The following DMXL1 variants were observed in gnomAD, a reference collection of about 807,000 sequenced individuals.
DMXL1 encodes the protein dmX-like protein 1.
DMXL1 carries 99 observed loss-of-function variants against 319.2 expected under a neutral mutation model. The observed-to-expected ratio is 0.31, with a 90% CI of 0.26 to 0.37. The LOEUF (loss-of-function observed/expected upper bound fraction) is 0.37. Among genes scored for constraint, DMXL1 ranks in the 10% least tolerant of loss-of-function variants. The pLI, the probability that DMXL1 is intolerant of heterozygous loss-of-function variation, is 1.00. For synonymous variants in DMXL1, 1,385 were observed against 1,235.2 expected, an observed-to-expected ratio of 1.12 and a Z score of -2.54; for missense variants, 3,745 against 3,595.6, an observed-to-expected ratio of 1.04 and a Z score of -1.06.
chr5:119,083,008 C>T (rs1752567672), intron 1 of DMXL1, among the ~76,000 whole-genome samples: 1 of 152,072 alleles, frequency 6.6e-6, no homozygotes. Context: ...ACCTCCAGTT[C>T]CATCCTTTTT....
chr5:119,170,466 A>G lies in DMXL1; in HGVS notation c.5675A>G (p.Tyr1892Cys), dbSNP rs139926212. Reference sequence around the variant, plus strand: ...GTCATCAAGAAAACAAGACCTTTTTATAGGGCTTCTAGTTTTCTGGATACT... The same window carrying G: ...GTCATCAAGAAAACAAGACCTTTTTGTAGGGCTTCTAGTTTTCTGGATACT... ...PKVIKKTRPF[Y>C]RASSFLDTSK... The change falls in exon 24 of 44, where the codon TAT becomes TGT. Residue 1892 changes from tyrosine (Y) to cysteine (C), a missense_variant. Transcript: ENST00000539542. The G allele has an allele frequency of 7.8e-5, 126 of 1,613,872 alleles. No individual in the cohort carries two copies. In the African/African-American group the frequency reaches 1.5e-3, roughly 19 times the overall value.
In DMXL1 at chr5:119,133,369, T is replaced by C. The variant is rs766298375; in HGVS notation, c.1553T>C (p.Met518Thr). Residue 518 changes from methionine to threonine, a missense_variant, in exon 11 of 44, where the codon ATG becomes ACG. Transcript: ENST00000539542. ...TGGCTGGATGAATACCAGCCTGGTA[T>C]GTTTCGTCAAGTACAGGTACTACTG... ...VDWLDEYQPG[M>T]FRQVQVSFVS... 4.3e-6 allele frequency: 7 copies of C among 1,612,216 alleles called. No individual in the cohort carries two copies. The African/African-American group carries it at 6.7e-5, about 15-fold the overall frequency.
At chr5:119,083,313 A>G (rs1752632632) in intron 1 of DMXL1, among the ~76,000 whole-genome samples, 1 of 152,176 alleles carries the variant, frequency 6.6e-6, no homozygotes, top group South Asian at 2.1e-4. Context: ...TTGTTGCTGC[A>G]AATGGCAGGA....
At chr5:119,120,660 A>G (rs1053264420) in intron 8 of DMXL1, among the ~76,000 whole-genome samples, 1 of 152,228 alleles carries the variant, frequency 6.6e-6, no homozygotes, top group African/African-American at 2.4e-5. Context: ...ATTGGGAAAA[A>G]AATTTTTAAC....
chr5:119,165,369 G>T lies in DMXL1; in HGVS notation c.4970+89G>T, dbSNP rs556334328. Reference sequence around the variant, plus strand: ...GAATGAAGTAAGATTTGTTGTTCTTGTTGATGTTGATTCATGTAGATTCTT... The same window carrying T: ...GAATGAAGTAAGATTTGTTGTTCTTTTTGATGTTGATTCATGTAGATTCTT... On this transcript the variant is annotated intron_variant, in intron 21 of 43. Coordinates refer to ENST00000539542, the MANE Select transcript of DMXL1 (RefSeq NM_001290321.3). 22 of 679,728 alleles carry T rather than the reference G, an allele frequency of 3.2e-5. No homozygotes were observed. In the African/African-American group the frequency reaches 3.8e-4, roughly 12 times the overall value. The allele number at this position is 679,728 out of a possible 1,614,324, so 42.1% of individuals were successfully genotyped here. A position where few individuals can be genotyped will look rare whatever the true frequency, so the allele number is the denominator to read the frequency against.
rs149836208 is a variant in DMXL1 at position 119,118,039 on chromosome 5, C to T, written c.744-776C>T. ...ATTCCCTGATGGAAGGTAGTCCTTG[C>T]TGATAGGGTTTCAGGCTTTGAGCTC... On this transcript the variant is annotated intron_variant, in intron 7 of 43. Coordinates refer to ENST00000539542, the MANE Select transcript of DMXL1 (RefSeq NM_001290321.3). Among the ~76,000 whole-genome samples the T allele has an allele frequency of 7.8e-3, 1,182 of 152,260 alleles. 3 individuals are homozygous for T. Among genetic ancestry groups the T allele is most frequent in the Non-Finnish European group, 0.013 (854 of 68,024 alleles).
At chr5:119,205,800 G>A (rs944920520) in intron 33 of DMXL1, among the ~76,000 whole-genome samples, 1 of 151,924 alleles carries the variant, frequency 6.6e-6, no homozygotes, top group African/African-American at 2.4e-5. Flanking sequence ...TACCGGAAAG[G>A]TTACTAGCCT....
chr5:119,224,585 C>T (rs1785200783), intron 37 of DMXL1, 124 bp from the exon 38 acceptor site: 1 of 380,886 alleles, frequency 2.6e-6, no homozygotes, highest in Non-Finnish European at 4.9e-6. Context: ...ATTTTTAGCA[C>T]CCATAATGAT....
chr5:119,150,066 A>G lies in DMXL1; in HGVS notation c.4239A>G (p.Ala1413=). The G allele has an allele frequency of 1.9e-6, 3 of 1,613,940 alleles. No homozygotes were observed. Among genetic ancestry groups the G allele is most frequent in the Non-Finnish European group, 2.5e-6 (3 of 1,179,904 alleles). The change falls in exon 18 of 44, where the codon GCA becomes GCG. Residue 1413 remains alanine, a synonymous_variant. Coordinates refer to ENST00000539542, the MANE Select transcript of DMXL1 (RefSeq NM_001290321.3). ...CACTTCCTTTATATGCCTTACTTGCAGCAGATGATGATAGCTGTTACTCAT... is the reference window on the plus strand; with the variant it reads ...CACTTCCTTTATATGCCTTACTTGCGGCAGATGATGATAGCTGTTACTCAT... ...VPPLPLYALL[A]ADDDSCYSSL... is the part of the protein sequence containing the mutation.
At chr5:119,148,676 T>C in intron 17 of DMXL1, 63 bp from the exon 18 acceptor site, 1 of 1,491,252 alleles carries the variant, frequency 6.7e-7, no homozygotes, top group Non-Finnish European at 9.1e-7. Flanking sequence ...AAATCGTAAG[T>C]ACATAAAAAC....
chr5:119,106,777 C>T (rs1264379473), intron 4 of DMXL1, among the ~76,000 whole-genome samples: 1 of 152,000 alleles, frequency 6.6e-6, no homozygotes, highest in African/African-American at 2.4e-5. Flanking sequence ...TATTTCAATG[C>T]CTTTTCCATA....
chr5:119,109,158 C>CCA (rs1482078863), intron 4 of DMXL1, among the ~76,000 whole-genome samples: 7 of 152,140 alleles, frequency 4.6e-5, no homozygotes, highest in Admixed American at 4.6e-4. Context: ...AGTTGGTTAA[C>CCA]CACACACTTA....
At chr5:119,191,587 A>G (rs371486120) in intron 29 of DMXL1, among the ~76,000 whole-genome samples, 18 of 152,268 alleles carry the variant, frequency 1.2e-4, no homozygotes, top group African/African-American at 4.3e-4. Flanking sequence ...TTCTTTAGCT[A>G]TCTTGTTTCT....
At chr5:119,220,432 G>A (rs1032740598) in intron 35 of DMXL1, 40 bp from the exon 36 acceptor site, 3 of 1,600,212 alleles carry the variant, frequency 1.9e-6, no homozygotes, top group Non-Finnish European at 2.6e-6. Flanking sequence ...TATCTCTTTT[G>A]CCTATTGCTT....
At chr5:119,174,831 G>A (rs1775474742) in intron 25 of DMXL1, among the ~76,000 whole-genome samples, 1 of 152,030 alleles carries the variant, frequency 6.6e-6, no homozygotes, top group Non-Finnish European at 1.5e-5. Flanking sequence ...TTGTTTTTAA[G>A]GTAACTAGAA....
At chr5:119,195,957 A>G (rs1779540201) in intron 30 of DMXL1, among the ~76,000 whole-genome samples, 1 of 152,186 alleles carries the variant, frequency 6.6e-6, no homozygotes, top group African/African-American at 2.4e-5. Flanking sequence ...TGTTTGCAAA[A>G]ATAAGCAAAA....
intron 34 of DMXL1, among the ~76,000 whole-genome samples, chr5:119,213,670 AT>A (rs1783183736): frequency 6.6e-6 from 1 of 152,156 alleles, no homozygotes. Flanking sequence ...ATTCAGTTGA[AT>A]GTCTCTGTGA....
At chr5:119,207,340 A>G in intron 34 of DMXL1, among the ~76,000 whole-genome samples, 1 of 152,180 alleles carries the variant, frequency 6.6e-6, no homozygotes, top group East Asian at 1.9e-4. Flanking sequence ...TCCTAAAAAT[A>G]TAGTAAATAC....
At chr5:119,123,106 GC>G (rs978270860) in intron 9 of DMXL1, among the ~76,000 whole-genome samples, 3 of 152,090 alleles carry the variant, frequency 2.0e-5, no homozygotes, top group African/African-American at 7.2e-5. Flanking sequence ...CTGGAGACCG[GC>G]CCGGCCAACA....
Sources: allele counts gnomAD v4.1 joint callset (sites outside exome capture counted in the v4.1 genomes callset), GRCh38; gene constraint gnomAD v4.1.1; transcripts MANE v1.5; gene names NCBI Gene and HGNC (gene_info 2026-07-23, HGNC 2026-07-21).